Variants in EPG5 observed in about 807,000 individuals in gnomAD.
EPG5 encodes the protein ectopic P-granules 5 autophagy tethering factor.
A neutral mutation model predicts 302.7 loss-of-function variants in EPG5; 159 were observed. The observed-to-expected ratio is 0.53, with a 90% CI of 0.46 to 0.60. The LOEUF (loss-of-function observed/expected upper bound fraction) is 0.60. Ranked by LOEUF, EPG5 falls within the 20% of genes least tolerant of loss-of-function variation. The pLI is 0.00. For synonymous variants in EPG5, 1,158 were observed against 1,136.8 expected (o/e 1.02, Z -0.37); for missense variants, 2,896 against 3,092.4 (o/e 0.94, Z 1.51).
At chr18:45,801,294 C>T in the EPG5 span, among the ~76,000 whole-genome samples, 3 of 152,164 alleles carry the variant, frequency 2.0e-5, no homozygotes, top group Non-Finnish European at 2.9e-5. Context: ...CTTCAGCCTC[C>T]CAAAGTGCTA....
chr18:45,945,424 T>G (rs908876356), intron 7 of EPG5, among the ~76,000 whole-genome samples: 3 of 152,178 alleles, frequency 2.0e-5, no homozygotes, highest in Non-Finnish European at 4.4e-5. Context: ...CAGCCTTTTC[T>G]GAGGTAATGG....
At chr18:45,857,729 T>A in intron 42 of EPG5, 124 bp downstream of exon 42, 1 of 613,528 alleles carries the variant, frequency 1.6e-6, no homozygotes, top group Non-Finnish European at 2.8e-6. Flanking sequence ...TTTTTTTCCA[T>A]TAATCTTTCT....
the EPG5 span, chr18:45,837,524 C>T: frequency 1.3e-6 from 2 of 1,511,460 alleles, no homozygotes; most frequent in Non-Finnish European, 1.8e-6. Context: ...CTCGCCAGCG[C>T]AGCGCTGGTC....
In EPG5 at chr18:45,953,900, T is replaced by C. The variant is rs2050966102; in HGVS notation, c.1008+494A>G. 26 of 985,086 alleles carry C rather than the reference T, an allele frequency of 2.6e-5. 1 individual carries two copies. Among genetic ancestry groups the C allele is most frequent in the Non-Finnish European group, 3.1e-5 (26 of 829,904 alleles). The allele number at this position is 985,086 out of a possible 1,614,324, so 61.0% of individuals were successfully genotyped here. A position where few individuals can be genotyped will look rare whatever the true frequency, so the allele number is the denominator to read the frequency against. On this transcript the variant is annotated intron_variant, in intron 2 of 43. Transcript: ENST00000282041. ...CAGTTTCCTCATCCCTTCTCAACCT[T>C]GACACTCTCTTCCCATTGGATGTTG...
intron 3 of EPG5, 68 bp from the exon 4 acceptor site, chr18:45,951,306 A>T (rs910857309): frequency 8.5e-7 from 1 of 1,175,680 alleles, no homozygotes; most frequent in Non-Finnish European, 1.1e-6. Flanking sequence ...TAGTGTCTTC[A>T]CTTAAACCAA....
chr18:45,820,374 G>A, the EPG5 span, among the ~76,000 whole-genome samples: 1 of 152,168 alleles, frequency 6.6e-6, no homozygotes, highest in Admixed American at 6.5e-5. Context: ...GCAGCCTCTA[G>A]GCAGAAACCT....
rs780437612 is a variant in EPG5, at chr18:45,879,003, A to G, written c.5869+10T>C. ...ACACCTAGCTCCACATCGCATGAGA[A>G]GTATATTACCTGTTTTCCTGCTGGC... On this transcript the variant is annotated intron_variant, in intron 33 of 43. Coordinates refer to ENST00000282041, the MANE Select transcript of EPG5 (RefSeq NM_020964.3). 5 of 1,611,388 alleles carry G rather than the reference A, an allele frequency of 3.1e-6. No individual in the cohort carries two copies. The South Asian group carries it at 4.4e-5, about 14-fold the overall frequency.
At chr18:45,920,479 G>GA (rs909722977) in intron 16 of EPG5, among the ~76,000 whole-genome samples, 60 of 152,112 alleles carry the variant, frequency 3.9e-4, no homozygotes, top group African/African-American at 1.3e-3. Flanking sequence ...AATTAATAAA[G>GA]AAAAAAAGGC....
rs575682830 is a variant in EPG5, at chr18:45,962,861, T to TA, written c.63+4315dup. 5.9e-5 allele frequency among the ~76,000 whole-genome samples: 9 copies of TA among 152,098 alleles called. No individual in the cohort carries two copies. The East Asian group carries it at 1.5e-3, about 26-fold the overall frequency. On this transcript the variant is annotated intron_variant, in intron 1 of 43. Transcript: ENST00000282041. ...CACTAAGAAGTGCATCAATTGACTC[T>TA]AAAAAAAATTACTTTCTAGATTGTT...
chr18:45,807,960 C>T, the EPG5 span, among the ~76,000 whole-genome samples: 3 of 151,390 alleles, frequency 2.0e-5, no homozygotes, highest in Admixed American at 6.6e-5. Context: ...CAAAGCCCAA[C>T]GTAAGGAAAT....
the EPG5 span, among the ~76,000 whole-genome samples, chr18:45,802,539 A>C: frequency 2.6e-5 from 4 of 152,100 alleles, no homozygotes; most frequent in South Asian, 2.1e-4. Context: ...AAACAAAAAA[A>C]AAAGTCTCTG....
the EPG5 span, among the ~76,000 whole-genome samples, chr18:45,814,192 C>G: frequency 1.3e-5 from 2 of 152,126 alleles, no homozygotes; most frequent in East Asian, 1.9e-4. Flanking sequence ...ATGCGAGGCA[C>G]TGAAAAGGAC....
the EPG5 span, among the ~76,000 whole-genome samples, chr18:45,808,748 A>C: frequency 4.6e-5 from 7 of 152,230 alleles, no homozygotes; most frequent in African/African-American, 1.7e-4. Context: ...CAAATCTTGG[A>C]AACACATCAA....
intron 28 of EPG5, among the ~76,000 whole-genome samples, chr18:45,889,364 T>G (rs1050252454): frequency 6.6e-6 from 1 of 152,252 alleles, no homozygotes; most frequent in Admixed American, 6.5e-5. Flanking sequence ...TGAACTTTGT[T>G]CAGTCATCTG....
chr18:45,808,379 C>T, the EPG5 span, among the ~76,000 whole-genome samples: 1 of 152,144 alleles, frequency 6.6e-6, no homozygotes, highest in Non-Finnish European at 1.5e-5. Context: ...ACACAAAAAA[C>T]ACCTGGGAAA....
At chr18:45,964,565 G>A (rs1460965935) in intron 1 of EPG5, among the ~76,000 whole-genome samples, 1 of 151,462 alleles carries the variant, frequency 6.6e-6, no homozygotes, top group South Asian at 2.1e-4. Flanking sequence ...TAGTCTCATC[G>A]TTAAGTAGGT....
chr18:45,938,072 A>T lies in EPG5; in HGVS notation c.2099+1528T>A, dbSNP rs535576718. Among the ~76,000 whole-genome samples, 7 of 152,326 alleles carry T rather than the reference A, an allele frequency of 4.6e-5. No homozygotes were observed. In the South Asian group the frequency reaches 1.2e-3, roughly 27 times the overall value. On this transcript the variant is annotated intron_variant, in intron 10 of 43. Coordinates refer to ENST00000282041, the MANE Select transcript of EPG5 (RefSeq NM_020964.3). ...ATGCACCAGGCCAGCGTCAGTGGAC[A>T]GGTGCTACTGCACTGATGCCCTGAC...
chr18:45,967,080 C>T (rs944909893), intron 1 of EPG5, 97 bp downstream of exon 1: 1 of 1,225,988 alleles, frequency 8.2e-7, no homozygotes. Context: ...GCAGAGGGCT[C>T]AGGGAACGGG....
rs745953193 is a variant in EPG5, at chr18:45,934,868, TCGCTCTCCA to T, written c.2189_2197del (p.Val730_Ser732del). ...GGAGGAGGAGAGCTGCTGCAGGTTC[TCGCTCTCCA>T]CCTGGTGCATGAGGTAGAAGAGCTT... On this transcript the variant is annotated inframe_deletion, in exon 11 of 44. Transcript: ENST00000282041. The T allele has an allele frequency of 3.7e-6, 6 of 1,614,098 alleles. No homozygotes were observed. The highest frequency in any genetic ancestry group is 5.1e-6 in the Non-Finnish European group (6 of 1,180,042).
Sources: allele counts gnomAD v4.1 joint callset (sites outside exome capture counted in the v4.1 genomes callset), GRCh38; gene constraint gnomAD v4.1.1; transcripts MANE v1.5; gene names NCBI Gene and HGNC (gene_info 2026-07-23, HGNC 2026-07-21).